Variants in STK3 observed in about 807,000 individuals in gnomAD.
STK3 encodes serine/threonine kinase 3.
Under a neutral mutation model 58.0 loss-of-function variants are expected in STK3, and 41 were observed. The ratio of observed to expected loss-of-function variants is 0.71; its 90% CI spans 0.55 to 0.92. The LOEUF (loss-of-function observed/expected upper bound fraction) is 0.92. Ranked by LOEUF, STK3 falls within the 40% of genes least tolerant of loss-of-function variation. The pLI, the probability that STK3 is intolerant of heterozygous loss-of-function variation, is 0.00. For missense variants in STK3, 479 were observed against 602.7 expected, an observed-to-expected ratio of 0.79 and a Z score of 2.15; for synonymous variants, 170 against 191.0, an observed-to-expected ratio of 0.89 and a Z score of 0.91.
chr8:98,777,734 C>T (rs540184598), intron 1 of STK3, among the ~76,000 whole-genome samples: 2 of 152,108 alleles, frequency 1.3e-5, no homozygotes, highest in South Asian at 2.1e-4. Flanking sequence ...ATGAGGCAGA[C>T]GATTCTCGAG....
At chr8:98,433,326 C>T (rs576295889) in intron 3 of STK3, among the ~76,000 whole-genome samples, 8 of 152,272 alleles carry the variant, frequency 5.3e-5, no homozygotes, top group South Asian at 2.1e-4. Flanking sequence ...TCCCTGCTGC[C>T]GAAGTAGGCT....
At chr8:98,627,289 G>A (rs961823175) in intron 6 of STK3, among the ~76,000 whole-genome samples, 3 of 151,838 alleles carry the variant, frequency 2.0e-5, no homozygotes, top group Admixed American at 6.6e-5. Context: ...TGAGACAGGT[G>A]TATCACTTGA....
At chr8:98,607,918 T>G (rs1816898896) in intron 6 of STK3, among the ~76,000 whole-genome samples, 1 of 152,168 alleles carries the variant, frequency 6.6e-6, no homozygotes, top group South Asian at 2.1e-4. Flanking sequence ...TAGAAACTTT[T>G]CTGATTTTTC....
intron 7 of STK3, among the ~76,000 whole-genome samples, chr8:98,589,953 C>T (rs1178869574): frequency 6.6e-5 from 10 of 152,352 alleles, no homozygotes; most frequent in East Asian, 5.8e-4. Context: ...CGCCCTGCTT[C>T]GGCTCGCACA....
intron 7 of STK3, among the ~76,000 whole-genome samples, chr8:98,594,626 C>T (rs1446582548): frequency 6.6e-6 from 1 of 151,900 alleles, no homozygotes; most frequent in Non-Finnish European, 1.5e-5. Flanking sequence ...AAAATATATA[C>T]ACACACATAT....
chr8:98,710,107 T>C (rs2131093407), intron 4 of STK3, among the ~76,000 whole-genome samples: 1 of 152,134 alleles, frequency 6.6e-6, no homozygotes, highest in Non-Finnish European at 1.5e-5. Flanking sequence ...ATCATATATG[T>C]AGAAAATTCT....
At chr8:98,356,887 T>A in the STK3 span, among the ~76,000 whole-genome samples, 1 of 152,188 alleles carries the variant, frequency 6.6e-6, no homozygotes, top group Non-Finnish European at 1.5e-5. Context: ...AACAGTGATG[T>A]TTAGAACTGA....
At chr8:98,761,517 T>C (rs541352533) in intron 3 of STK3, among the ~76,000 whole-genome samples, 65 of 152,258 alleles carry the variant, frequency 4.3e-4, no homozygotes, top group Non-Finnish European at 9.1e-4. Context: ...GTCTTCCTAA[T>C]ATGAGCATGT....
chr8:98,674,846 A>C (rs752966272), intron 6 of STK3, among the ~76,000 whole-genome samples: 22 of 152,306 alleles, frequency 1.4e-4, no homozygotes, highest in Middle Eastern at 3.4e-3. Flanking sequence ...GTCATGACTA[A>C]TGTTTATCTT....
chr8:98,673,890 G>A (rs978056829), intron 6 of STK3, among the ~76,000 whole-genome samples: 3 of 152,102 alleles, frequency 2.0e-5, no homozygotes, highest in Non-Finnish European at 2.9e-5. Flanking sequence ...AATTATCAAT[G>A]CCACATAAAC....
intron 4 of STK3, among the ~76,000 whole-genome samples, chr8:98,739,389 A>T (rs1394184309): frequency 6.6e-6 from 1 of 151,732 alleles, no homozygotes; most frequent in African/African-American, 2.4e-5. Context: ...TACTCCTCTG[A>T]GACAAAACTT....
At chr8:98,643,869 T>A (rs1381632425) in intron 6 of STK3, among the ~76,000 whole-genome samples, 6 of 152,038 alleles carry the variant, frequency 3.9e-5, no homozygotes, top group Admixed American at 3.9e-4. Context: ...ATTAGCTGGG[T>A]GTGATGGCAT....
At chr8:98,701,676 A>ACACT (rs1226683861) in intron 6 of STK3, among the ~76,000 whole-genome samples, 1 of 151,546 alleles carries the variant, frequency 6.6e-6, no homozygotes, top group Non-Finnish European at 1.5e-5. Flanking sequence ...ATACACACAC[A>ACACT]CACTCACACA....
At chr8:98,905,399 G>A (rs1838854742) in intron 1 of STK3, 11 of 1,262,642 alleles carry the variant, frequency 8.7e-6, no homozygotes, top group Admixed American at 1.7e-5. Context: ...GAAGCTCTTG[G>A]TTGGTACAAG....
chr8:98,598,192 TC>T, intron 6 of STK3: 2 of 985,394 alleles, frequency 2.0e-6, no homozygotes, highest in Non-Finnish European at 2.4e-6. Flanking sequence ...ATGATTTATG[TC>T]CTTGAAGCCA....
Position 98,766,171 on chromosome 8 carries a change from C to G in STK3, c.236+1072G>C, listed in dbSNP as rs1830933473. On this transcript the variant is annotated intron_variant, in intron 3 of 10. Transcript: ENST00000419617. ...TCTTCTTTTCACATTACCCCATGCA[C>G]CAGTCACTACAATGAGTGTGCTATA... Among the ~76,000 whole-genome samples the G allele has an allele frequency of 2.0e-5, 3 of 152,158 alleles. No homozygotes were observed. The South Asian group carries it at 6.2e-4, about 32-fold the overall frequency.
intron 10 of STK3, among the ~76,000 whole-genome samples, chr8:98,504,057 A>G (rs1289424550): frequency 6.6e-6 from 1 of 152,058 alleles, no homozygotes; most frequent in African/African-American, 2.4e-5. Context: ...TTGCTTTATG[A>G]ATCTAGGTGC....
At chr8:98,404,706 C>A (rs1052215728) in intron 3 of STK3, among the ~76,000 whole-genome samples, 2 of 119,662 alleles carry the variant, frequency 1.7e-5, no homozygotes, top group African/African-American at 6.7e-5. Flanking sequence ...AAAAATTTAG[C>A]TGGGTATGGT....
chr8:98,778,473 G>C (rs1229773173), intron 1 of STK3, among the ~76,000 whole-genome samples: 1 of 151,998 alleles, frequency 6.6e-6, no homozygotes, highest in African/African-American at 2.4e-5. Context: ...ACAGTGTGGC[G>C]ATTCCTCAGG....
Sources: gnomAD v4.1 joint callset for allele counts (sites outside exome capture counted in the v4.1 genomes callset) on GRCh38, gnomAD v4.1.1 for gene constraint, MANE v1.5 for transcripts, NCBI Gene and HGNC (gene_info 2026-07-23, HGNC 2026-07-21) for gene names.